The following LITAF variants were observed in gnomAD, a reference collection of about 807,000 sequenced individuals.
The protein encoded by LITAF is lipopolysaccharide-induced tumor necrosis factor-alpha factor.
A neutral mutation model predicts 14.5 loss-of-function variants in LITAF; 9 were observed. That is an observed-to-expected ratio of 0.62 (90% CI 0.37 to 1.08). The LOEUF is 1.08. Among genes scored for constraint, LITAF ranks in the 50% least tolerant of loss-of-function variants. LITAF has a pLI of 0.01. For synonymous variants in LITAF, 98 were observed against 88.2 expected (o/e 1.11, Z -0.62); for missense variants, 206 against 213.4 (o/e 0.97, Z 0.22).
chr16:11,551,832 A>T, intron 3 of LITAF: 1 of 546,324 alleles, frequency 1.8e-6, no homozygotes, highest in East Asian at 3.2e-5. Context: ...ACTCAGCCTC[A>T]AACAAAACAA....
chr16:11,552,927 A>T (rs547194033), intron 3 of LITAF, among the ~76,000 whole-genome samples: 5 of 152,046 alleles, frequency 3.3e-5, no homozygotes, highest in Non-Finnish European at 5.9e-5. Flanking sequence ...CAGCCTGGCC[A>T]ACATGGTGAG....
chr16:11,580,939 A>G (rs2064722874), intron 1 of LITAF, among the ~76,000 whole-genome samples: 1 of 151,490 alleles, frequency 6.6e-6, no homozygotes, highest in African/African-American at 2.4e-5. Context: ...TAATTTTTGT[A>G]TTTTCTGTAG....
intron 1 of LITAF, among the ~76,000 whole-genome samples, chr16:11,573,699 TC>T (rs1434510071): frequency 8.1e-6 from 1 of 124,128 alleles, no homozygotes; most frequent in Non-Finnish European, 1.6e-5. Context: ...GAAGAAGATA[TC>T]CTTTTTTTTT....
chr16:11,586,457 T>G lies in LITAF; in HGVS notation c.-6+429A>C, dbSNP rs1015932308. ...GGGGTTTTTTTGTTTGTTTTGGTTT[T>G]GTTTCTGAACCCCCGGGGGATATTT... On this transcript the variant is annotated intron_variant, in intron 1 of 3. Coordinates refer to ENST00000622633, the MANE Select transcript of LITAF (RefSeq NM_001136472.2). The surrounding 1 kb of genome is among the most constrained non-coding windows in gnomAD (Gnocchi z 6.5). 2.0e-5 allele frequency: 3 copies of G among 152,204 alleles called. No individual in the cohort carries two copies. The highest frequency in any genetic ancestry group is 7.2e-5 in the African/African-American group (3 of 41,446). The allele number at this position is 152,204 out of a possible 1,614,324, so 9.4% of individuals were successfully genotyped here.
upstream of LITAF, among the ~76,000 whole-genome samples, chr16:11,639,014 A>T (rs1186975189): frequency 6.6e-6 from 1 of 152,150 alleles, no homozygotes; most frequent in Non-Finnish European, 1.5e-5. Context: ...AAAAAGTAAG[A>T]TGTGTAGAGT....
At chr16:11,593,777 C>A (rs528380718) in intron 1 of LITAF, among the ~76,000 whole-genome samples, 1 of 152,188 alleles carries the variant, frequency 6.6e-6, no homozygotes, top group Non-Finnish European at 1.5e-5. Flanking sequence ...ATTCCATTTA[C>A]ATGAAATGTC....
At position 11,580,415 on chromosome 16, in the gene LITAF, A is replaced by C. The variant is rs557660020; in HGVS notation, c.-6+6471T>G. 7.9e-5 allele frequency among the ~76,000 whole-genome samples: 12 copies of C among 151,976 alleles called. No individual in the cohort carries two copies. The East Asian group carries it at 2.1e-3, about 27-fold the overall frequency. On this transcript the variant is annotated intron_variant, in intron 1 of 3. Coordinates refer to ENST00000622633, the MANE Select transcript of LITAF (RefSeq NM_001136472.2). ...TGGGATTACAGATGCCCACCACCAC[A>C]CCCGGCTAATTTTTGTATTTTTAGT...
rs1432359131 is a variant in LITAF at position 11,558,017 on chromosome 16, A to G, written c.-5-1282T>C. ...TGTGTGGCTGTTTTTCTAACTGGGCAGGGTTCAGGCTGCCTTAGAAGAGCC... is the reference window on the plus strand; with the variant it reads ...TGTGTGGCTGTTTTTCTAACTGGGCGGGGTTCAGGCTGCCTTAGAAGAGCC... On this transcript the variant is annotated intron_variant, in intron 1 of 3. Coordinates refer to ENST00000622633, the MANE Select transcript of LITAF (RefSeq NM_001136472.2). This position sits in a 1 kb window ranked among gnomAD's most constrained non-coding sequence, Gnocchi z 4.1. 6.6e-6 allele frequency among the ~76,000 whole-genome samples: 1 copy of G among 152,170 alleles called. No homozygotes were observed. The highest frequency in any genetic ancestry group is 1.9e-4 in the East Asian group (1 of 5,194).
intron 3 of LITAF, among the ~76,000 whole-genome samples, chr16:11,551,409 T>G (rs933270299): frequency 6.6e-6 from 1 of 152,060 alleles, no homozygotes; most frequent in Non-Finnish European, 1.5e-5. Flanking sequence ...AGAGGTAAAG[T>G]CACTTGCCCA....
chr16:11,597,525 G>A (rs2141859475), intron 1 of LITAF, among the ~76,000 whole-genome samples: 1 of 152,272 alleles, frequency 6.6e-6, no homozygotes, highest in Admixed American at 6.5e-5. Context: ...AGGTCAGGCA[G>A]GTTGTCAAAG....
intron 1 of LITAF, among the ~76,000 whole-genome samples, chr16:11,566,582 A>G (rs1459829640): frequency 2.0e-5 from 3 of 152,134 alleles, no homozygotes; most frequent in Non-Finnish European, 4.4e-5. Context: ...CGGGCAACAT[A>G]GTGAGATGCC....
At chr16:11,628,085 CAA>C (rs1315044580) in intron 3 of LITAF, among the ~76,000 whole-genome samples, 2 of 150,076 alleles carry the variant, frequency 1.3e-5, no homozygotes, top group African/African-American at 2.5e-5. Context: ...CTGCAGAACA[CAA>C]AGACACATTT....
upstream of LITAF, chr16:11,586,960 C>T (rs1352261971): frequency 1.3e-5 from 2 of 151,358 alleles, no homozygotes; most frequent in East Asian, 3.9e-4. The surrounding 1 kb of genome is among the most constrained non-coding windows in gnomAD (Gnocchi z 6.5). Context: ...GGCCGGGCGG[C>T]GGGGACGGGG....
chr16:11,583,128 A>G (rs546286578), intron 1 of LITAF, among the ~76,000 whole-genome samples: 2 of 152,318 alleles, frequency 1.3e-5, no homozygotes, highest in South Asian at 2.1e-4. Context: ...GTTTCAGTAG[A>G]CCTCAGTAAA....
At chr16:11,621,021 G>A (rs1005032981) in intron 3 of LITAF, among the ~76,000 whole-genome samples, 3 of 151,938 alleles carry the variant, frequency 2.0e-5, no homozygotes, top group African/African-American at 7.3e-5. Flanking sequence ...TCAGTCTCCT[G>A]AGTAGCTGGG....
upstream of LITAF, among the ~76,000 whole-genome samples, chr16:11,599,948 T>C (rs9922808): frequency 0.65 from 99,242 of 151,970 alleles, 33,124 homozygotes; most frequent in African/African-American, 0.81. Context: ...CATGAAACAC[T>C]CCCACCCTGT....
chr16:11,573,051 CCT>C, intron 1 of LITAF, among the ~76,000 whole-genome samples: 1 of 152,130 alleles, frequency 6.6e-6, no homozygotes, highest in Non-Finnish European at 1.5e-5. Context: ...GCCTCAGCCC[CCT>C]GAGTAGCTGG....
chr16:11,629,427 G>T (rs1194441988), intron 3 of LITAF, among the ~76,000 whole-genome samples: 2 of 152,200 alleles, frequency 1.3e-5, no homozygotes, highest in Non-Finnish European at 2.9e-5. Context: ...CTGGAGGCCT[G>T]ATCCCAAGGC....
At chr16:11,612,172 A>G (rs2064986326) in intron 3 of LITAF, among the ~76,000 whole-genome samples, 1 of 152,188 alleles carries the variant, frequency 6.6e-6, no homozygotes, top group African/African-American at 2.4e-5. Context: ...ATCTCCTGGC[A>G]CTGCCCACAC....
Sources: allele counts gnomAD v4.1 joint callset (sites outside exome capture counted in the v4.1 genomes callset), GRCh38; gene constraint gnomAD v4.1.1; non-coding constraint Gnocchi (gnomAD v3.1); transcripts MANE v1.5; gene names NCBI Gene and HGNC (gene_info 2026-07-23, HGNC 2026-07-21).